DNAH14: variants seen among roughly 807,000 people sequenced by gnomAD.
The protein encoded by DNAH14 is axonemal beta dynein heavy chain 14.
A neutral mutation model predicts 520.9 loss-of-function variants in DNAH14; 478 were observed. The observed-to-expected ratio is 0.92, with a 90% CI of 0.85 to 0.99. The LOEUF is 0.99. DNAH14 is among the 50% of genes least tolerant of loss of function. The pLI, the probability that DNAH14 is intolerant of heterozygous loss-of-function variation, is 0.00. For missense variants in DNAH14, 4,831 were observed against 5,234.5 expected (o/e 0.92, Z 2.38); for synonymous variants, 1,581 against 1,757.2 (o/e 0.90, Z 2.51).
At chr1:225,308,975 A>G (rs1266323294) in intron 60 of DNAH14, among the ~76,000 whole-genome samples, 2 of 152,356 alleles carry the variant, frequency 1.3e-5, no homozygotes, top group African/African-American at 4.8e-5. Flanking sequence ...AAGCAACTCC[A>G]TCAATTAAAA....
intron 5 of DNAH14, among the ~76,000 whole-genome samples, chr1:224,965,525 T>A (rs1012167742): frequency 6.6e-6 from 1 of 152,022 alleles, no homozygotes; most frequent in Non-Finnish European, 1.5e-5. Context: ...AATACATATA[T>A]AAATGGATGT....
chr1:225,395,321 C>T (rs903962192), intron 84 of DNAH14, among the ~76,000 whole-genome samples: 9 of 152,156 alleles, frequency 5.9e-5, no homozygotes, highest in Non-Finnish European at 8.8e-5. Flanking sequence ...AGGCCGGGCG[C>T]GGTGTCTCAC....
chr1:224,956,709 C>A (rs1008901093), intron 3 of DNAH14, among the ~76,000 whole-genome samples: 3 of 152,098 alleles, frequency 2.0e-5, no homozygotes, highest in Admixed American at 6.6e-5. Flanking sequence ...CTTTAGTTGT[C>A]TTCATCCTCT....
intron 21 of DNAH14, among the ~76,000 whole-genome samples, chr1:225,089,369 G>A (rs1286016456): frequency 1.3e-5 from 2 of 150,196 alleles, no homozygotes; most frequent in African/African-American, 4.9e-5. Context: ...GCTTGAAGCC[G>A]GGAGGCAGAG....
At chr1:224,957,915 A>T (rs1357777704) in intron 3 of DNAH14, among the ~76,000 whole-genome samples, 1 of 152,138 alleles carries the variant, frequency 6.6e-6, no homozygotes, top group Non-Finnish European at 1.5e-5. Context: ...CTGTGGTTTT[A>T]TTTGAGGCAG....
chr1:225,059,165 C>T (rs1473078528), intron 17 of DNAH14, among the ~76,000 whole-genome samples: 1 of 152,112 alleles, frequency 6.6e-6, no homozygotes, highest in Non-Finnish European at 1.5e-5. Flanking sequence ...GAGTCTAAGT[C>T]TCTTTGTAGG....
At position 225,303,312 on chromosome 1, in the gene DNAH14, T is replaced by C. The variant is rs1030636320; in HGVS notation, c.8788T>C (p.Phe2930Leu). The C allele has an allele frequency of 2.9e-5, 45 of 1,549,264 alleles. No individual in the cohort carries two copies. The Admixed American group carries it at 3.0e-4, about 10-fold the overall frequency. Reference sequence around the variant, plus strand: ...AGCTCTCCTTATTGTAGCTAACTCATTCTTAAAAGAAAAGGTCAATTTTGA... The same window carrying C: ...AGCTCTCCTTATTGTAGCTAACTCACTCTTAAAAGAAAAGGTCAATTTTGA... Reference protein sequence around the residue: ...EEALLIVANSFLKEKVNFENR... With the variant: ...EEALLIVANSLLKEKVNFENR... Residue 2930 changes from phenylalanine to leucine, a missense_variant, in exon 57 of 86, where the codon TTC becomes CTC. Transcript: ENST00000682510.
At chr1:225,078,897 T>TCTCC (rs1558884706) in intron 17 of DNAH14, among the ~76,000 whole-genome samples, 5 of 135,994 alleles carry the variant, frequency 3.7e-5, no homozygotes, top group African/African-American at 1.4e-4. Flanking sequence ...TCTCTCTCTC[T>TCTCC]CCCCGCTTTT....
chr1:224,950,864 C>G (rs61852099), intron 1 of DNAH14, among the ~76,000 whole-genome samples: 24,873 of 142,158 alleles, frequency 0.17, 2,607 homozygotes, highest in Non-Finnish European at 0.23. Context: ...CATAGGCCTA[C>G]TGTATTACAA....
At chr1:225,314,725 G>A (rs935912836) in intron 60 of DNAH14, among the ~76,000 whole-genome samples, 6 of 152,094 alleles carry the variant, frequency 3.9e-5, no homozygotes, top group African/African-American at 1.4e-4. Flanking sequence ...TGAAATTCTT[G>A]GTTGAAAATT....
At chr1:224,937,204 C>A (rs1434673939) in intron 1 of DNAH14, among the ~76,000 whole-genome samples, 2 of 151,764 alleles carry the variant, frequency 1.3e-5, no homozygotes, top group Non-Finnish European at 2.9e-5. Context: ...GAAGTCTTGG[C>A]CAGAGCAACT....
chr1:225,276,958 G>C (rs1440126322), intron 53 of DNAH14, among the ~76,000 whole-genome samples: 1 of 41,122 alleles, frequency 2.4e-5, no homozygotes, highest in Non-Finnish European at 4.4e-5. Flanking sequence ...AGGAAGGAAG[G>C]AAGGAAGGAA....
At chr1:225,390,481 G>A (rs529523320) in intron 83 of DNAH14, among the ~76,000 whole-genome samples, 2 of 152,194 alleles carry the variant, frequency 1.3e-5, no homozygotes, top group Admixed American at 6.5e-5. Flanking sequence ...ACCTGATACA[G>A]GCCCCAGCAC....
At position 225,232,858 on chromosome 1, in the gene DNAH14, G is replaced by A. The variant is rs765633259; in HGVS notation, c.6518+1707G>A. ...CAGGATGTGCAGGTTTGTTACATAG[G>A]TAAATGTGTGCCATGGTGGTTTGCT... On this transcript the variant is annotated intron_variant, in intron 42 of 85. Coordinates refer to ENST00000682510, the MANE Select transcript of DNAH14 (RefSeq NM_001367479.1). The surrounding 1 kb of genome is among the most constrained non-coding windows in gnomAD (Gnocchi z 4.2). Among the ~76,000 whole-genome samples the A allele has an allele frequency of 6.6e-6, 1 of 152,124 alleles. No homozygotes were observed. The highest frequency in any genetic ancestry group is 1.5e-5 in the Non-Finnish European group (1 of 68,042).
chr1:225,187,604 A>G (rs1335676899), intron 37 of DNAH14, among the ~76,000 whole-genome samples: 1 of 151,902 alleles, frequency 6.6e-6, no homozygotes, highest in African/African-American at 2.4e-5. Context: ...TTAAATTGCC[A>G]TTAGCAATGT....
intron 38 of DNAH14, among the ~76,000 whole-genome samples, chr1:225,193,854 A>G (rs1220525763): frequency 2.0e-5 from 3 of 152,142 alleles, no homozygotes; most frequent in African/African-American, 7.2e-5. Flanking sequence ...GCAAAGTTTC[A>G]GGATATAAAA....
intron 54 of DNAH14, among the ~76,000 whole-genome samples, chr1:225,281,951 G>A (rs1025786343): frequency 2.0e-5 from 3 of 151,686 alleles, no homozygotes; most frequent in Non-Finnish European, 4.4e-5. Context: ...TAAGAGGGTA[G>A]ATCTTAATAT....
intron 20 of DNAH14, among the ~76,000 whole-genome samples, chr1:225,084,060 C>A (rs1025211616): frequency 6.6e-6 from 1 of 152,062 alleles, no homozygotes. Context: ...TGAGCTATTA[C>A]ATGTCTAACA....
chr1:225,270,027 G>A (rs1574420518), intron 49 of DNAH14, among the ~76,000 whole-genome samples: 1 of 152,152 alleles, frequency 6.6e-6, no homozygotes, highest in East Asian at 1.9e-4. Context: ...GCACACGTAT[G>A]TTTATTGCAG....
Sources: gnomAD v4.1 joint callset for allele counts (sites outside exome capture counted in the v4.1 genomes callset) on GRCh38, gnomAD v4.1.1 for gene constraint, Gnocchi (gnomAD v3.1) non-coding constraint, MANE v1.5 for transcripts, NCBI Gene and HGNC (gene_info 2026-07-23, HGNC 2026-07-21) for gene names.